The following KCNK2 variants were observed in gnomAD, a reference collection of about 807,000 sequenced individuals.
KCNK2 encodes potassium channel subfamily K member 2.
Under a neutral mutation model 40.5 loss-of-function variants are expected in KCNK2, and 21 were observed. The ratio of observed to expected loss-of-function variants is 0.52; its 90% CI spans 0.37 to 0.75. The LOEUF (loss-of-function observed/expected upper bound fraction) is 0.75. Ranked by LOEUF, KCNK2 falls within the 30% of genes least tolerant of loss-of-function variation. The pLI is 0.00. For missense variants in KCNK2, 399 were observed against 531.6 expected (o/e 0.75, Z 2.45); for synonymous variants, 191 against 202.2 (o/e 0.94, Z 0.47).
intron 1 of KCNK2, among the ~76,000 whole-genome samples, chr1:215,040,715 T>G (rs1657532584): frequency 6.6e-6 from 1 of 152,162 alleles, no homozygotes. Context: ...CTATGAGGTC[T>G]TGAGCAAACC....
intron 1 of KCNK2, among the ~76,000 whole-genome samples, chr1:215,037,757 A>T (rs1657436605): frequency 1.3e-5 from 2 of 151,962 alleles, no homozygotes; most frequent in South Asian, 2.1e-4. Context: ...AGTTTTTCCT[A>T]TAATTCTTAA....
intron 3 of KCNK2, among the ~76,000 whole-genome samples, chr1:215,134,577 T>A (rs1173505773): frequency 6.6e-6 from 1 of 152,140 alleles, no homozygotes; most frequent in Non-Finnish European, 1.5e-5. Flanking sequence ...CTAAGTGTGG[T>A]TGATTATCAG....
intron 3 of KCNK2, among the ~76,000 whole-genome samples, chr1:215,157,999 G>A (rs1663006696): frequency 1.3e-5 from 2 of 152,172 alleles, no homozygotes; most frequent in African/African-American, 4.8e-5. Flanking sequence ...TAAGCCCTTT[G>A]TGTTGAAAAA....
intron 6 of KCNK2, among the ~76,000 whole-genome samples, chr1:215,224,957 C>G (rs1666325495): frequency 6.6e-6 from 1 of 152,062 alleles, no homozygotes; most frequent in Non-Finnish European, 1.5e-5. Context: ...AAATAAATAG[C>G]ACCTCATAAA....
chr1:215,229,806 G>C (rs1444840325), intron 6 of KCNK2, among the ~76,000 whole-genome samples: 1 of 151,958 alleles, frequency 6.6e-6, no homozygotes, highest in Non-Finnish European at 1.5e-5. Context: ...AATTGAGGCA[G>C]TGTATCCTCA....
At chr1:215,123,813 A>G (rs1005356383) in intron 2 of KCNK2, among the ~76,000 whole-genome samples, 2 of 152,110 alleles carry the variant, frequency 1.3e-5, no homozygotes, top group African/African-American at 2.4e-5. Context: ...TCTCTCTTCT[A>G]CTGTACATTT....
At chr1:215,180,972 C>G in intron 5 of KCNK2, among the ~76,000 whole-genome samples, 1 of 152,122 alleles carries the variant, frequency 6.6e-6, no homozygotes, top group South Asian at 2.1e-4. Context: ...TTTTCTTTAT[C>G]TCTGTCTCTC....
At chr1:215,160,973 G>A (rs991202977) in intron 3 of KCNK2, among the ~76,000 whole-genome samples, 1 of 152,000 alleles carries the variant, frequency 6.6e-6, no homozygotes, top group African/African-American at 2.4e-5. Flanking sequence ...GTATCCCCCA[G>A]ACCTGGTCAT....
rs992574339 is a variant in KCNK2, at chr1:215,112,104, G to A, written c.358-12529G>A. Among the ~76,000 whole-genome samples, 5 of 152,058 alleles carry A rather than the reference G, an allele frequency of 3.3e-5. No homozygotes were observed. The East Asian group carries it at 5.8e-4, about 18-fold the overall frequency. On this transcript the variant is annotated intron_variant, in intron 2 of 6. Coordinates refer to ENST00000444842, the MANE Select transcript of KCNK2 (RefSeq NM_001017425.3). ...TCAGTGGCTCCCAGACTTCTAGAGCGTGTTAGGTCCTGTTAATGCTGTTAG... is the reference window on the plus strand; with the variant it reads ...TCAGTGGCTCCCAGACTTCTAGAGCATGTTAGGTCCTGTTAATGCTGTTAG...
chr1:215,089,983 C>T (rs373563958), intron 2 of KCNK2, among the ~76,000 whole-genome samples: 11 of 151,916 alleles, frequency 7.2e-5, no homozygotes, highest in African/African-American at 1.7e-4. Flanking sequence ...TGTGCCACCA[C>T]GGCCAGCTAA....
intron 2 of KCNK2, among the ~76,000 whole-genome samples, chr1:215,097,027 G>T (rs1030564066): frequency 6.6e-6 from 1 of 151,880 alleles, no homozygotes; most frequent in Non-Finnish European, 1.5e-5. Flanking sequence ...TTTCAGTCCT[G>T]CTTCCACATG....
chr1:215,148,919 C>T (rs796165998), intron 3 of KCNK2, among the ~76,000 whole-genome samples: 6 of 152,146 alleles, frequency 3.9e-5, no homozygotes, highest in African/African-American at 1.2e-4. Flanking sequence ...ATGAAGGAAT[C>T]GGGAAAGTTC....
intron 6 of KCNK2, among the ~76,000 whole-genome samples, chr1:215,198,828 A>G (rs951254308): frequency 6.6e-6 from 1 of 152,218 alleles, no homozygotes; most frequent in African/African-American, 2.4e-5. Flanking sequence ...ATACAAAATT[A>G]AATATAGCTT....
At chr1:215,091,494 A>G (rs1161274344) in intron 2 of KCNK2, among the ~76,000 whole-genome samples, 1 of 152,186 alleles carries the variant, frequency 6.6e-6, no homozygotes, top group Non-Finnish European at 1.5e-5. Flanking sequence ...ACAAAACAAA[A>G]CATTGTTTTA....
intron 2 of KCNK2, among the ~76,000 whole-genome samples, chr1:215,096,195 G>GGT (rs1391794233): frequency 1.3e-5 from 2 of 151,328 alleles, no homozygotes; most frequent in South Asian, 2.1e-4. Context: ...GATATACCAA[G>GGT]GTGTGTGTGT....
chr1:215,087,666 T>G (rs2102532030), intron 2 of KCNK2, among the ~76,000 whole-genome samples: 1 of 152,368 alleles, frequency 6.6e-6, no homozygotes, highest in Non-Finnish European at 1.5e-5. Context: ...GAATGGAAAT[T>G]ATCTGTGAGT....
chr1:215,006,081 C>A, intron 1 of KCNK2: 2 of 790,458 alleles, frequency 2.5e-6, no homozygotes, highest in East Asian at 2.7e-5. Flanking sequence ...TAATTAAACT[C>A]ATTGGGTGGT....
intron 6 of KCNK2, among the ~76,000 whole-genome samples, chr1:215,216,378 A>G (rs1485103103): frequency 6.9e-6 from 1 of 145,976 alleles, no homozygotes; most frequent in Admixed American, 7.0e-5. Context: ...AATATATAAT[A>G]TATATTCTAT....
chr1:215,121,211 C>A (rs1488879929), intron 2 of KCNK2, among the ~76,000 whole-genome samples: 3 of 152,138 alleles, frequency 2.0e-5, no homozygotes, highest in Non-Finnish European at 4.4e-5. Flanking sequence ...ACAAAAATAA[C>A]AAGTTCAGTA....
Sources: gnomAD v4.1 joint callset for allele counts (sites outside exome capture counted in the v4.1 genomes callset) on GRCh38, gnomAD v4.1.1 for gene constraint, MANE v1.5 for transcripts, NCBI Gene and HGNC (gene_info 2026-07-23, HGNC 2026-07-21) for gene names.